CCDC125: variants seen among roughly 807,000 people sequenced by gnomAD.
The protein encoded by CCDC125 is coiled-coil domain-containing protein 125.
CCDC125 carries 43 observed loss-of-function variants against 57.4 expected under a neutral mutation model. The observed-to-expected ratio is 0.75, with a 90% CI of 0.59 to 0.97. The LOEUF is 0.97. CCDC125 is among the 50% of genes least tolerant of loss of function. The pLI is 0.00. For synonymous variants in CCDC125, 187 were observed against 195.2 expected, an observed-to-expected ratio of 0.96 and a Z score of 0.35; for missense variants, 563 against 595.7, an observed-to-expected ratio of 0.95 and a Z score of 0.57.
chr5:69,277,040 G>C, downstream of CCDC125: 2 of 1,353,628 alleles, frequency 1.5e-6, no homozygotes, highest in Non-Finnish European at 2.1e-6. Context: ...GGTTAAAATT[G>C]CTATGAGAAT....
intron 8 of CCDC125, among the ~76,000 whole-genome samples, chr5:69,299,457 C>T (rs556091802): frequency 6.2e-4 from 95 of 152,202 alleles, no homozygotes; most frequent in Non-Finnish European, 1.2e-3. Context: ...CACTCTACTG[C>T]TCCATTATTT....
chr5:69,318,260 G>A (rs1200874220), intron 2 of CCDC125, among the ~76,000 whole-genome samples: 6 of 151,556 alleles, frequency 4.0e-5, no homozygotes, highest in Admixed American at 2.6e-4. Context: ...GATTACAGGC[G>A]TGAGCCACAG....
At chr5:69,313,793 T>C in intron 3 of CCDC125, 192 bp downstream of exon 3, 2 of 801,372 alleles carry the variant, frequency 2.5e-6, no homozygotes, top group South Asian at 2.7e-5. Context: ...CTTCAACTTC[T>C]CTGGTGTTGA....
At position 69,312,401 on chromosome 5, in the gene CCDC125, C is replaced by T. The variant is rs374259682; in HGVS notation, c.367-1197G>A. 4.6e-5 allele frequency among the ~76,000 whole-genome samples: 7 copies of T among 152,202 alleles called. No individual in the cohort carries two copies. In the East Asian group the frequency reaches 1.3e-3, roughly 29 times the overall value. Reference sequence around the variant, plus strand: ...ACCAGTTTGTGGTACATTGTCTCGGCAGCCAAATACAGTAGCTTTCACGGG... The same window carrying T: ...ACCAGTTTGTGGTACATTGTCTCGGTAGCCAAATACAGTAGCTTTCACGGG... On this transcript the variant is annotated intron_variant, in intron 3 of 11. Coordinates refer to ENST00000396496, the MANE Select transcript of CCDC125 (RefSeq NM_176816.5).
chr5:69,322,998 C>T (rs1760272989), intron 1 of CCDC125, among the ~76,000 whole-genome samples: 1 of 151,584 alleles, frequency 6.6e-6, no homozygotes, highest in African/African-American at 2.4e-5. Context: ...TACAGAGCAA[C>T]ATTCTATCTC....
downstream of CCDC125, among the ~76,000 whole-genome samples, chr5:69,279,668 C>G (rs758494379): frequency 6.6e-6 from 1 of 152,132 alleles, no homozygotes; most frequent in Non-Finnish European, 1.5e-5. Flanking sequence ...TCAAATCTGT[C>G]TGACTTCCTC....
intron 3 of CCDC125, chr5:69,313,518 G>A: frequency 1.2e-6 from 1 of 845,974 alleles, no homozygotes; most frequent in Non-Finnish European, 2.1e-6. Context: ...CCTTGGAGCT[G>A]GCATTGATCA....
At chr5:69,329,119 G>C (rs1033331250) in intron 1 of CCDC125, among the ~76,000 whole-genome samples, 2 of 151,426 alleles carry the variant, frequency 1.3e-5, no homozygotes, top group Admixed American at 1.3e-4. Flanking sequence ...AAGACGACTT[G>C]AACCAACATA....
At chr5:69,277,039 T>G, downstream of CCDC125, 1 of 1,350,524 alleles carries the variant, frequency 7.4e-7, no homozygotes, top group East Asian at 2.3e-5. Context: ...TGGTTAAAAT[T>G]GCTATGAGAA....
chr5:69,284,982 A>G (rs1402959550), intron 11 of CCDC125, among the ~76,000 whole-genome samples: 1 of 152,094 alleles, frequency 6.6e-6, no homozygotes, highest in East Asian at 1.9e-4. Context: ...CTGCAGTCCC[A>G]GCTACTCTAG....
At chr5:69,293,702 T>C (rs923475032) in intron 9 of CCDC125, among the ~76,000 whole-genome samples, 3 of 152,080 alleles carry the variant, frequency 2.0e-5, no homozygotes, top group Admixed American at 1.3e-4. Flanking sequence ...TTTTGTCCTA[T>C]TTTATTCTAT....
intron 6 of CCDC125, 137 bp downstream of exon 6, chr5:69,306,680 T>A (rs1330008492): frequency 2.0e-6 from 2 of 1,011,106 alleles, no homozygotes; most frequent in Non-Finnish European, 2.6e-6. Flanking sequence ...CTAACAAAAA[T>A]ATGCGACTAG....
At chr5:69,306,977 A>G (rs1757419126) in intron 5 of CCDC125, 75 bp from the exon 6 acceptor site, 11 of 1,332,424 alleles carry the variant, frequency 8.3e-6, no homozygotes, top group Non-Finnish European at 1.1e-5. Flanking sequence ...AATAGCTGAA[A>G]TAAATCATAT....
At chr5:69,275,373 A>G (rs1752012771), downstream of CCDC125, among the ~76,000 whole-genome samples, 1 of 152,138 alleles carries the variant, frequency 6.6e-6, no homozygotes, top group African/African-American at 2.4e-5. Context: ...CATGACTTGG[A>G]ATTTGAATAT....
intron 10 of CCDC125, among the ~76,000 whole-genome samples, chr5:69,288,811 TAGAC>T (rs1477543203): frequency 6.6e-6 from 1 of 152,120 alleles, no homozygotes; most frequent in Non-Finnish European, 1.5e-5. Flanking sequence ...TAACTCCAGG[TAGAC>T]AGTGTGAGAA....
downstream of CCDC125, chr5:69,280,139 C>T (rs934487041): frequency 1.3e-5 from 2 of 152,120 alleles, no homozygotes; most frequent in Non-Finnish European, 2.9e-5. Flanking sequence ...GGGACACAGC[C>T]AAACCGTATC....
rs1271174382 is a variant in CCDC125, at chr5:69,308,034, A to G, written c.454-6T>C. 10 of 1,606,798 alleles carry G rather than the reference A, an allele frequency of 6.2e-6. No homozygotes were observed. Among genetic ancestry groups the G allele is most frequent in the Non-Finnish European group, 8.5e-6 (10 of 1,173,620 alleles). ...GTGGCTTTGCCCAGTATTGCCTAAGAAAAATAAAACTAGCATCAGTATAAA... is the reference window on the plus strand; with the variant it reads ...GTGGCTTTGCCCAGTATTGCCTAAGGAAAATAAAACTAGCATCAGTATAAA... On this transcript the variant is annotated splice_region_variant and splice_polypyrimidine_tract_variant and intron_variant, in intron 4 of 11. Coordinates refer to ENST00000396496, the MANE Select transcript of CCDC125 (RefSeq NM_176816.5).
intron 7 of CCDC125, among the ~76,000 whole-genome samples, chr5:69,301,221 C>T (rs935734938): frequency 1.3e-5 from 2 of 152,078 alleles, no homozygotes; most frequent in African/African-American, 4.8e-5. Flanking sequence ...GCAATCCTCT[C>T]CCCTTGGCTT....
At chr5:69,329,806 A>C (rs994625096) in intron 1 of CCDC125, among the ~76,000 whole-genome samples, 3 of 152,038 alleles carry the variant, frequency 2.0e-5, no homozygotes, top group Admixed American at 6.6e-5. Flanking sequence ...CCCAGCTCGG[A>C]TGTATTTTTT....
Sources: allele counts gnomAD v4.1 joint callset (sites outside exome capture counted in the v4.1 genomes callset), GRCh38; gene constraint gnomAD v4.1.1; transcripts MANE v1.5; gene names NCBI Gene and HGNC (gene_info 2026-07-23, HGNC 2026-07-21).